TESK2: variants seen among roughly 807,000 people sequenced by gnomAD.
TESK2 encodes testis associated actin remodelling kinase 2.
Under a neutral mutation model 57.1 loss-of-function variants are expected in TESK2, and 39 were observed. That is an observed-to-expected ratio of 0.68 (90% CI 0.53 to 0.89). The LOEUF (loss-of-function observed/expected upper bound fraction) is 0.89. TESK2 is among the 40% of genes least tolerant of loss of function. The probability of loss-of-function intolerance (pLI) is 0.00; values close to 1 mark genes in which losing one functional copy is unlikely to be tolerated. For synonymous variants in TESK2, 249 were observed against 267.9 expected, an observed-to-expected ratio of 0.93 and a Z score of 0.69; for missense variants, 646 against 732.1, an observed-to-expected ratio of 0.88 and a Z score of 1.36.
chr1:45,476,331 GA>G, intron 1 of TESK2, among the ~76,000 whole-genome samples: 1 of 151,842 alleles, frequency 6.6e-6, no homozygotes, highest in East Asian at 1.9e-4. Context: ...AACATGAGGA[GA>G]CTTTGTCTCT....
chr1:45,406,458 C>A (rs1353601456), intron 3 of TESK2, among the ~76,000 whole-genome samples: 1 of 152,026 alleles, frequency 6.6e-6, no homozygotes, highest in African/African-American at 2.4e-5. Context: ...CCAGTTTGGG[C>A]AACATAGAGA....
intron 1 of TESK2, among the ~76,000 whole-genome samples, chr1:45,469,706 T>A (rs1340219159): frequency 6.6e-6 from 1 of 152,142 alleles, no homozygotes; most frequent in Admixed American, 6.5e-5. Flanking sequence ...CTTCAGTCAT[T>A]CAATCACATT....
chr1:45,367,485 A>G (rs1424060875), intron 4 of TESK2, among the ~76,000 whole-genome samples: 3 of 148,096 alleles, frequency 2.0e-5, no homozygotes, highest in African/African-American at 7.5e-5. Context: ...AGTAGCTGGG[A>G]TTACAGGCAT....
At chr1:45,425,971 C>T (rs1650673606) in intron 2 of TESK2, among the ~76,000 whole-genome samples, 1 of 151,652 alleles carries the variant, frequency 6.6e-6, no homozygotes, top group South Asian at 2.1e-4. Flanking sequence ...ATGGTGAAAC[C>T]CTGTCTCTAC....
At chr1:45,364,244 T>G (rs910883567) in intron 4 of TESK2, among the ~76,000 whole-genome samples, 5 of 152,140 alleles carry the variant, frequency 3.3e-5, no homozygotes, top group African/African-American at 4.8e-5. Context: ...TCTTTGCCAA[T>G]GTAATCAAGT....
intron 1 of TESK2, among the ~76,000 whole-genome samples, chr1:45,485,378 G>C (rs1271078802): frequency 6.6e-6 from 1 of 151,862 alleles, no homozygotes; most frequent in African/African-American, 2.4e-5. Flanking sequence ...TAGTAGAGAC[G>C]GGGTTTCACC....
chr1:45,466,853 G>T (rs1652574399), intron 1 of TESK2, among the ~76,000 whole-genome samples: 1 of 151,454 alleles, frequency 6.6e-6, no homozygotes, highest in African/African-American at 2.4e-5. Context: ...TAAAAACAGT[G>T]CCTACATTTT....
intron 2 of TESK2, among the ~76,000 whole-genome samples, chr1:45,436,986 T>G (rs180740777): frequency 6.6e-6 from 1 of 150,548 alleles, no homozygotes. Context: ...TTAGTAGAGA[T>G]AGGGTTTCAC....
At chr1:45,435,527 G>C (rs974019688) in intron 2 of TESK2, among the ~76,000 whole-genome samples, 4 of 137,946 alleles carry the variant, frequency 2.9e-5, no homozygotes, top group Non-Finnish European at 6.1e-5. Context: ...GCCTCCCAAA[G>C]TACTGGGATT....
At chr1:45,377,462 A>C (rs1368766537) in intron 4 of TESK2, among the ~76,000 whole-genome samples, 1 of 145,772 alleles carries the variant, frequency 6.9e-6, no homozygotes, top group East Asian at 2.0e-4. Flanking sequence ...TCTGTTTGCC[A>C]GGCTGGAGTG....
At chr1:45,482,560 G>A (rs12082486) in intron 1 of TESK2, among the ~76,000 whole-genome samples, 7 of 147,230 alleles carry the variant, frequency 4.8e-5, no homozygotes, top group African/African-American at 1.5e-4. Flanking sequence ...TGCTTGATAT[G>A]TACCACAGAT....
Position 45,463,018 on chromosome 1 carries a change from CA to C in TESK2, c.-86-5148del, listed in dbSNP as rs1232742993. On this transcript the variant is annotated intron_variant, in intron 1 of 10. Transcript: ENST00000372086. ...AGGAACTTTACATAGATCTGTTTGC[CA>C]TTTGTATGCCTCCTTTTGAGAAATG... 8.5e-5 allele frequency among the ~76,000 whole-genome samples: 13 copies of C among 152,212 alleles called. No individual in the cohort carries two copies. The South Asian group carries it at 2.3e-3, about 27-fold the overall frequency.
At chr1:45,348,089 C>G (rs1040705851) in intron 5 of TESK2, 89 bp from the exon 6 acceptor site, 5 of 886,848 alleles carry the variant, frequency 5.6e-6, no homozygotes, top group East Asian at 2.4e-5. Flanking sequence ...CTTCCTATCA[C>G]AGGGCACCTT....
At chr1:45,400,379 C>G (rs1486026250) in intron 3 of TESK2, among the ~76,000 whole-genome samples, 2 of 152,202 alleles carry the variant, frequency 1.3e-5, no homozygotes, top group Admixed American at 1.3e-4. Flanking sequence ...CAGTGAGACT[C>G]TTGTCAGACC....
chr1:45,375,150 T>C (rs1648350107), intron 4 of TESK2, among the ~76,000 whole-genome samples: 2 of 152,200 alleles, frequency 1.3e-5, no homozygotes, highest in African/African-American at 4.8e-5. Context: ...GATGATCCCA[T>C]TAAAGAATAA....
At position 45,372,952 on chromosome 1, in the gene TESK2, T is replaced by C. The variant is rs572820485; in HGVS notation, c.393+12960A>G. On this transcript the variant is annotated intron_variant, in intron 4 of 10. Coordinates refer to ENST00000372086, the MANE Select transcript of TESK2 (RefSeq NM_007170.3). Reference sequence around the variant, plus strand: ...CTGAGGCAGGAGAATTGCTCGAACCTGGGAGGCGGAGGTTGCGGTGAGCCG... The same window carrying C: ...CTGAGGCAGGAGAATTGCTCGAACCCGGGAGGCGGAGGTTGCGGTGAGCCG... 7.2e-5 allele frequency among the ~76,000 whole-genome samples: 10 copies of C among 138,450 alleles called. No homozygotes were observed. In the East Asian group the frequency reaches 2.1e-3, roughly 29 times the overall value. 90.8% of individuals were successfully genotyped at this position (138,450 alleles called of 152,430 possible).
Position 45,355,397 on chromosome 1 carries a change from G to A in TESK2, c.446C>T (p.Pro149Leu). 1.2e-6 allele frequency: 2 copies of A among 1,613,880 alleles called. No individual in the cohort carries two copies. Among genetic ancestry groups the A allele is most frequent in the East Asian group, 2.2e-5 (1 of 44,868 alleles). Residue 149 changes from proline (P) to leucine (L), a missense_variant, in exon 5 of 11, where the codon CCT (proline) becomes CTT (leucine). Transcript: ENST00000372086. Reference protein sequence around the residue: ...EQLLDSNLHLPWTVRVKLAYD... With the variant: ...EQLLDSNLHLLWTVRVKLAYD... ...GGCCAGTTTTACCCTCACAGTCCAA[G>A]GCAAATGCAGGTTACTGTCTAGCAA...
At chr1:45,446,594 T>C (rs1651657272) in intron 2 of TESK2, among the ~76,000 whole-genome samples, 1 of 151,652 alleles carries the variant, frequency 6.6e-6, no homozygotes, top group Non-Finnish European at 1.5e-5. Context: ...AACAAAAAAA[T>C]AGGACCAAGA....
intron 3 of TESK2, among the ~76,000 whole-genome samples, chr1:45,386,322 G>C (rs1439147525): frequency 6.8e-6 from 1 of 146,400 alleles, no homozygotes; most frequent in Non-Finnish European, 1.5e-5. Flanking sequence ...TCCAGCCTAG[G>C]GGACAAGAGC....
Sources: allele counts gnomAD v4.1 joint callset (sites outside exome capture counted in the v4.1 genomes callset), GRCh38; gene constraint gnomAD v4.1.1; transcripts MANE v1.5; gene names NCBI Gene and HGNC (gene_info 2026-07-23, HGNC 2026-07-21).